Variants in WSB2 observed in about 807,000 individuals in gnomAD.
WSB2 encodes WD repeat and SOCS box containing 2, also known as WD repeat and SOCS box-containing protein 2.
A neutral mutation model predicts 48.8 loss-of-function variants in WSB2; 12 were observed. The ratio of observed to expected loss-of-function variants is 0.25; its 90% CI spans 0.16 to 0.40. The LOEUF (loss-of-function observed/expected upper bound fraction) is 0.40. Among genes scored for constraint, WSB2 ranks in the 10% least tolerant of loss-of-function variants. The probability of loss-of-function intolerance (pLI) is 1.00; values close to 1 mark genes in which losing one functional copy is unlikely to be tolerated. For synonymous variants in WSB2, 191 were observed against 203.1 expected (o/e 0.94, Z 0.51); for missense variants, 317 against 506.2 (o/e 0.63, Z 3.59).
intron 4 of WSB2, 105 bp from the exon 5 acceptor site, chr12:118,038,493 C>T: frequency 2.1e-6 from 2 of 947,950 alleles, no homozygotes; most frequent in East Asian, 2.6e-5. Flanking sequence ...GTATACCCAT[C>T]AGCTCCTATC....
rs557129726 is a variant in WSB2, at chr12:118,043,032, C to T, written c.428-60G>A. The T allele has an allele frequency of 1.1e-4, 182 of 1,613,414 alleles. 1 individual carries two copies. The African/African-American group carries it at 1.9e-3, about 17-fold the overall frequency. On this transcript the variant is annotated intron_variant, in intron 3 of 8. Coordinates refer to ENST00000315436, the MANE Select transcript of WSB2 (RefSeq NM_018639.5). ...GAGGGGGCACGAGGTGTGCCTGCCA[C>T]GGCCACACCCCTTGGCCAACGTGAG...
At position 118,053,575 on chromosome 12, in the gene WSB2, C is replaced by T. The variant is rs989978153; in HGVS notation, c.14-1097G>A. Among the ~76,000 whole-genome samples the T allele has an allele frequency of 2.0e-5, 3 of 151,462 alleles. No homozygotes were observed. In the South Asian group the frequency reaches 6.4e-4, roughly 33 times the overall value. On this transcript the variant is annotated intron_variant, in intron 1 of 8. Coordinates refer to ENST00000315436, the MANE Select transcript of WSB2 (RefSeq NM_018639.5). Reference sequence around the variant, plus strand: ...CCCAGATCATTTTGTCTTTGTTTCTCCCAGGACCTAGCACACCATCTTGTG... The same window carrying T: ...CCCAGATCATTTTGTCTTTGTTTCTTCCAGGACCTAGCACACCATCTTGTG...
At position 118,056,566 on chromosome 12, in the gene WSB2, G is replaced by C. The variant is rs140068044; in HGVS notation, c.14-4088C>G. On this transcript the variant is annotated intron_variant, in intron 1 of 8. Transcript: ENST00000315436. ...GAGGGCAGGCAGTGAGTAAATATTT[G>C]TCTAATAAATACATATGGTATAACT... is the stretch of plus-strand genomic sequence containing the variant. 6.7e-3 allele frequency among the ~76,000 whole-genome samples: 1,013 copies of C among 152,216 alleles called. 4 individuals are homozygous for C. Among genetic ancestry groups the C allele is most frequent in the Middle Eastern group, 0.02 (6 of 294 alleles).
Position 118,061,089 on chromosome 12 carries a change from C to A in WSB2, c.-41G>T, listed in dbSNP as rs2032055820. 3.1e-6 allele frequency: 3 copies of A among 980,944 alleles called. No homozygotes were observed. Among genetic ancestry groups the A allele is most frequent in the Admixed American group, 6.3e-5 (1 of 15,786 alleles). 60.8% of individuals were successfully genotyped at this position (980,944 alleles called of 1,614,324 possible). ...CCCCCGCGGCAGGCGGCGGGCGCCT[C>A]AGCCCCCCGGGCCGCGGGCCCTCAT... On this transcript the variant is annotated 5_prime_UTR_variant, in exon 1 of 9. An upstream open reading frame in the 5' UTR loses its in-frame stop. Transcript: ENST00000315436.
At chr12:118,038,026 T>G in intron 5 of WSB2, 1 of 338,346 alleles carries the variant, frequency 3.0e-6, no homozygotes. Context: ...GAAAAGAAAT[T>G]TAAAAAGCAA....
intron 2 of WSB2, among the ~76,000 whole-genome samples, chr12:118,051,782 T>C (rs1438638698): frequency 2.0e-5 from 3 of 152,248 alleles, no homozygotes; most frequent in Admixed American, 6.5e-5. Flanking sequence ...GAGACCAGCC[T>C]GGCCAACATG....
intron 1 of WSB2, among the ~76,000 whole-genome samples, chr12:118,057,104 T>C (rs537224256): frequency 3.9e-4 from 60 of 151,958 alleles, no homozygotes; most frequent in African/African-American, 1.2e-3. Context: ...TCTCTTGGAG[T>C]CTGGGCCCAA....
chr12:118,058,703 T>C (rs926237896), intron 1 of WSB2, among the ~76,000 whole-genome samples: 5 of 151,140 alleles, frequency 3.3e-5, no homozygotes, highest in South Asian at 2.1e-4. Flanking sequence ...TCTTCTTCTT[T>C]TTTTTTTTTT....
At chr12:118,043,499 C>G in intron 2 of WSB2, 122 bp from the exon 3 acceptor site, 1 of 1,433,256 alleles carries the variant, frequency 7.0e-7, no homozygotes, top group Middle Eastern at 1.9e-4. Flanking sequence ...AGCTGGCGTA[C>G]AGTGACACAA....
chr12:118,054,042 A>G (rs554904037), intron 1 of WSB2, among the ~76,000 whole-genome samples: 17 of 152,130 alleles, frequency 1.1e-4, no homozygotes, highest in African/African-American at 3.6e-4. Flanking sequence ...CTTGGATTCA[A>G]TAAAACAGAT....
At chr12:118,050,502 A>G (rs2031829818) in intron 2 of WSB2, among the ~76,000 whole-genome samples, 2 of 151,840 alleles carry the variant, frequency 1.3e-5, no homozygotes, top group African/African-American at 4.8e-5. Context: ...TTGGCTGGGC[A>G]TGGTGGCGCG....
At chr12:118,043,988 G>A (rs145761893) in intron 2 of WSB2, among the ~76,000 whole-genome samples, 2,174 of 151,484 alleles carry the variant, frequency 0.014, 38 homozygotes, top group Middle Eastern at 0.071. Flanking sequence ...GCGTAGTGGC[G>A]GGTGCCTGTA....
In WSB2 at chr12:118,034,117, T is replaced by C; in HGVS notation, c.*79A>G. ...AATGCTATTTCAATGCAAGACCAGATGTTTGGCCCATTATTCCAGCAACTC... is the reference window on the plus strand; with the variant it reads ...AATGCTATTTCAATGCAAGACCAGACGTTTGGCCCATTATTCCAGCAACTC... On this transcript the variant is annotated 3_prime_UTR_variant, in exon 9 of 9. Coordinates refer to ENST00000315436, the MANE Select transcript of WSB2 (RefSeq NM_018639.5). The C allele has an allele frequency of 6.4e-7, 1 of 1,559,506 alleles. No individual in the cohort carries two copies. Among genetic ancestry groups the C allele is most frequent in the Non-Finnish European group, 8.8e-7 (1 of 1,135,928 alleles).
chr12:118,056,064 C>G (rs1437405176), intron 1 of WSB2, among the ~76,000 whole-genome samples: 1 of 152,078 alleles, frequency 6.6e-6, no homozygotes, highest in Non-Finnish European at 1.5e-5. Context: ...CTTCCAGCTG[C>G]TCTCCCGGCT....
chr12:118,040,557 G>A (rs1342618835), intron 4 of WSB2, among the ~76,000 whole-genome samples: 1 of 151,428 alleles, frequency 6.6e-6, no homozygotes, highest in African/African-American at 2.4e-5. Flanking sequence ...GGTCAGGAGT[G>A]CAAGACCAGC....
intron 1 of WSB2, among the ~76,000 whole-genome samples, chr12:118,054,434 G>A (rs2031914987): frequency 1.3e-5 from 2 of 151,714 alleles, no homozygotes; most frequent in South Asian, 4.2e-4. Flanking sequence ...ACTTTGTGAG[G>A]CCAAGGCGGG....
At chr12:118,062,003 G>T (rs539214663), upstream of WSB2, 19 of 1,183,628 alleles carry the variant, frequency 1.6e-5, no homozygotes, top group South Asian at 2.4e-4. Context: ...ACGGGGCGGT[G>T]GGGAGAGGAG....
At position 118,060,363 on chromosome 12, in the gene WSB2, T is replaced by G. The variant is rs918382612; in HGVS notation, c.13+673A>C. Among the ~76,000 whole-genome samples, 6 of 152,148 alleles carry G rather than the reference T, an allele frequency of 3.9e-5. No homozygotes were observed. The highest frequency in any genetic ancestry group is 1.4e-4 in the African/African-American group (6 of 41,436). ...AAGGTCCCCACCCATCAGTGTATCCTAAATTTGCCTGATCATACATGTCAC... is the reference window on the plus strand; with the variant it reads ...AAGGTCCCCACCCATCAGTGTATCCGAAATTTGCCTGATCATACATGTCAC... On this transcript the variant is annotated intron_variant, in intron 1 of 8. Transcript: ENST00000315436. The surrounding 1 kb of genome is among the most constrained non-coding windows in gnomAD (Gnocchi z 4.1).
Position 118,060,997 on chromosome 12 carries a change from C to T in WSB2, c.13+39G>A, listed in dbSNP as rs1377603813. The T allele has an allele frequency of 8.5e-6, 8 of 946,068 alleles. No homozygotes were observed. Among genetic ancestry groups the T allele is most frequent in the African/African-American group, 7.2e-5 (4 of 55,846 alleles). The allele number at this position is 946,068 out of a possible 1,614,324, so 58.6% of individuals were successfully genotyped here. On this transcript the variant is annotated intron_variant, in intron 1 of 8. Coordinates refer to ENST00000315436, the MANE Select transcript of WSB2 (RefSeq NM_018639.5). The surrounding 1 kb of genome is among the most constrained non-coding windows in gnomAD (Gnocchi z 4.1). Reference sequence around the variant, plus strand: ...CCTCCCCGGGGAGAACGGGCCAGGGCCCCGCCGGGCGGGAACGGGCGCGCC... The same window carrying T: ...CCTCCCCGGGGAGAACGGGCCAGGGTCCCGCCGGGCGGGAACGGGCGCGCC...
Sources: allele counts gnomAD v4.1 joint callset (sites outside exome capture counted in the v4.1 genomes callset), GRCh38; gene constraint gnomAD v4.1.1; non-coding constraint Gnocchi (gnomAD v3.1); transcripts MANE v1.5; gene names NCBI Gene and HGNC (gene_info 2026-07-23, HGNC 2026-07-21).